Variants in FOXP2 observed in about 807,000 individuals in gnomAD.
The protein encoded by FOXP2 is forkhead box P2.
In FOXP2, 12 loss-of-function variants were observed where a neutral mutation model predicts 115.8. The ratio of observed to expected loss-of-function variants is 0.10; its 90% confidence interval spans 0.07 to 0.17. FOXP2 has a LOEUF of 0.17. Among genes scored for constraint, FOXP2 ranks in the 10% least tolerant of loss-of-function variants. The pLI is 1.00. For synonymous variants in FOXP2, 328 were observed against 297.7 expected, an observed-to-expected ratio of 1.10 and a Z score of -1.05; for missense variants, 629 against 843.5, an observed-to-expected ratio of 0.75 and a Z score of 3.15.
At chr7:114,449,465 C>T (rs906711925) in intron 2 of FOXP2, among the ~76,000 whole-genome samples, 4 of 152,052 alleles carry the variant, frequency 2.6e-5, no homozygotes, top group Admixed American at 6.6e-5. Context: ...CCCCAAAACA[C>T]GGTTCCCATT....
intron 2 of FOXP2, among the ~76,000 whole-genome samples, chr7:114,491,141 A>G (rs1797031138): frequency 6.6e-6 from 1 of 152,092 alleles, no homozygotes; most frequent in African/African-American, 2.4e-5. Flanking sequence ...CAGTGTTCCT[A>G]TTTCTCCACA....
chr7:114,193,670 C>T (rs1047614930), intron 1 of FOXP2, among the ~76,000 whole-genome samples: 7 of 152,044 alleles, frequency 4.6e-5, no homozygotes. Flanking sequence ...ATTATTATGA[C>T]AACTATAAAT....
chr7:114,619,366 A>C (rs1206325987), intron 3 of FOXP2, among the ~76,000 whole-genome samples: 2 of 152,126 alleles, frequency 1.3e-5, no homozygotes, highest in African/African-American at 4.8e-5. Context: ...CTCATCTATA[A>C]AGAGCAATTA....
At chr7:114,511,441 G>T (rs1798068979) in intron 2 of FOXP2, among the ~76,000 whole-genome samples, 1 of 152,058 alleles carries the variant, frequency 6.6e-6, no homozygotes, top group African/African-American at 2.4e-5. Flanking sequence ...AAAAAGAAAG[G>T]AATCAAAAAA....
chr7:114,336,495 A>G (rs910933253), intron 2 of FOXP2, among the ~76,000 whole-genome samples: 2 of 151,562 alleles, frequency 1.3e-5, no homozygotes, highest in African/African-American at 2.4e-5. Flanking sequence ...GTCTGTCTTT[A>G]AACAAATAGT....
intron 2 of FOXP2, among the ~76,000 whole-genome samples, chr7:114,374,519 T>G (rs10249531): frequency 2.2e-4 from 33 of 151,988 alleles, no homozygotes; most frequent in African/African-American, 8.0e-4. Context: ...AAGTGTGTGA[T>G]AAGGTTTGTG....
At chr7:114,396,074 C>T (rs1792729158) in intron 2 of FOXP2, among the ~76,000 whole-genome samples, 1 of 151,948 alleles carries the variant, frequency 6.6e-6, no homozygotes, top group Non-Finnish European at 1.5e-5. Context: ...TGGCTTTAGT[C>T]ACCCTATTGT....
chr7:114,322,558 T>G (rs1797451655), intron 2 of FOXP2, among the ~76,000 whole-genome samples: 1 of 152,048 alleles, frequency 6.6e-6, no homozygotes, highest in South Asian at 2.1e-4. Flanking sequence ...CACATATAGT[T>G]CCATTAAATC....
intron 1 of FOXP2, among the ~76,000 whole-genome samples, chr7:114,190,057 C>T (rs1319063062): frequency 6.6e-6 from 1 of 152,134 alleles, no homozygotes; most frequent in African/African-American, 2.4e-5. Flanking sequence ...TCTTAGGACC[C>T]AGACATCACA....
chr7:114,195,228 C>A (rs1793872579), intron 1 of FOXP2, among the ~76,000 whole-genome samples: 1 of 152,124 alleles, frequency 6.6e-6, no homozygotes, highest in African/African-American at 2.4e-5. Flanking sequence ...CAAGATAATT[C>A]TTGAGGGACA....
intron 3 of FOXP2, among the ~76,000 whole-genome samples, chr7:114,547,491 C>T (rs1799984788): frequency 6.6e-6 from 1 of 152,190 alleles, no homozygotes; most frequent in African/African-American, 2.4e-5. Flanking sequence ...AGCGCTGTGG[C>T]TCACGCCTGT....
chr7:114,183,125 C>T (rs1335773239), intron 1 of FOXP2, among the ~76,000 whole-genome samples: 1 of 151,620 alleles, frequency 6.6e-6, no homozygotes, highest in Non-Finnish European at 1.5e-5. Flanking sequence ...GTGTGTTTGC[C>T]AAGAAAAAAA....
intron 3 of FOXP2, among the ~76,000 whole-genome samples, chr7:114,543,701 G>T (rs1419103152): frequency 6.6e-6 from 1 of 152,166 alleles, no homozygotes; most frequent in African/African-American, 2.4e-5. Context: ...CTACTTGATT[G>T]TTTCATGGCT....
At chr7:114,340,521 A>G (rs1041502146) in intron 2 of FOXP2, among the ~76,000 whole-genome samples, 3 of 151,160 alleles carry the variant, frequency 2.0e-5, no homozygotes, top group African/African-American at 7.3e-5. Flanking sequence ...GTACATAACT[A>G]TTTTAATTCA....
rs573514059 is a variant in FOXP2, at chr7:114,491,150, C to T, written c.169-43467C>T. 1.0e-3 allele frequency among the ~76,000 whole-genome samples: 157 copies of T among 152,312 alleles called. 1 individual carries two copies. The highest frequency in any genetic ancestry group is 3.6e-3 in the African/African-American group (148 of 41,574). Reference sequence around the variant, plus strand: ...GTGTAACAGTGTTCCTATTTCTCCACATCCTCTCCAGCACCTGTTGTTTCC... The same window carrying T: ...GTGTAACAGTGTTCCTATTTCTCCATATCCTCTCCAGCACCTGTTGTTTCC... On this transcript the variant is annotated intron_variant, in intron 2 of 16. Transcript: ENST00000350908.
At chr7:114,124,755 T>C (rs1791659608) in intron 1 of FOXP2, among the ~76,000 whole-genome samples, 1 of 150,612 alleles carries the variant, frequency 6.6e-6, no homozygotes, top group Non-Finnish European at 1.5e-5. Context: ...TGCCACCACC[T>C]CTGTTTTCTC....
upstream of FOXP2, among the ~76,000 whole-genome samples, chr7:114,412,544 C>A (rs148470535): frequency 6.6e-5 from 10 of 152,224 alleles, no homozygotes; most frequent in African/African-American, 2.2e-4. Flanking sequence ...TTAATTATTT[C>A]TTTTCCTAGT....
chr7:114,245,303 A>G (rs1378689646), intron 1 of FOXP2, among the ~76,000 whole-genome samples: 1 of 152,224 alleles, frequency 6.6e-6, no homozygotes, highest in Non-Finnish European at 1.5e-5. Flanking sequence ...GAATAAGTGA[A>G]TACATGCATA....
intron 2 of FOXP2, among the ~76,000 whole-genome samples, chr7:114,533,965 A>G (rs908835537): frequency 6.6e-6 from 1 of 151,916 alleles, no homozygotes; most frequent in Admixed American, 6.6e-5. Context: ...TTTGATTGGT[A>G]TTCTGTCACA....
Sources: allele counts gnomAD v4.1 joint callset (sites outside exome capture counted in the v4.1 genomes callset), GRCh38; gene constraint gnomAD v4.1.1; transcripts MANE v1.5; gene names NCBI Gene and HGNC (gene_info 2026-07-23, HGNC 2026-07-21).